Variants in PDE10A observed in about 807,000 individuals in gnomAD.
The protein encoded by PDE10A is phosphodiesterase 10A.
Under a neutral mutation model 97.7 loss-of-function variants are expected in PDE10A, and 39 were observed. That is an observed-to-expected ratio of 0.40 (90% CI 0.31 to 0.52). PDE10A has a LOEUF of 0.52. Ranked by LOEUF, PDE10A falls within the 20% of genes least tolerant of loss-of-function variation. PDE10A has a pLI of 0.56. For missense variants in PDE10A, 731 were observed against 1,047.8 expected, an observed-to-expected ratio of 0.70 and a Z score of 4.17; for synonymous variants, 371 against 376.8, an observed-to-expected ratio of 0.98 and a Z score of 0.18.
At chr6:165,956,321 TG>T (rs956912969) in intron 1 of PDE10A, among the ~76,000 whole-genome samples, 2 of 152,220 alleles carry the variant, frequency 1.3e-5, no homozygotes, top group Non-Finnish European at 2.9e-5. Context: ...TCAATGCCTG[TG>T]GCAATTTCTC....
intron 1 of PDE10A, chr6:165,940,758 T>A (rs1783492816): frequency 1.3e-5 from 2 of 152,242 alleles, no homozygotes; most frequent in Admixed American, 1.3e-4. Flanking sequence ...AGTTCCATTT[T>A]TAAAAGGTCT....
chr6:165,445,566 G>T (rs1790790426), intron 5 of PDE10A, among the ~76,000 whole-genome samples: 1 of 152,326 alleles, frequency 6.6e-6, no homozygotes, highest in South Asian at 2.1e-4. Context: ...ATCTTGGGTT[G>T]AAGGACAAAT....
intron 1 of PDE10A, chr6:165,948,325 G>A (rs1041494166): frequency 2.0e-5 from 3 of 152,206 alleles, no homozygotes; most frequent in Non-Finnish European, 4.4e-5. Context: ...TCTGTCAATG[G>A]AGAACAAGAG....
chr6:165,592,288 A>G lies in PDE10A; in HGVS notation c.866-48720T>C, dbSNP rs576072657. ...AACTGAGACTTTCCTTATACTTTATACAAAAATTAACTCAAGATGGATTAA... is the reference window on the plus strand; with the variant it reads ...AACTGAGACTTTCCTTATACTTTATGCAAAAATTAACTCAAGATGGATTAA... On this transcript the variant is annotated intron_variant, in intron 1 of 21. Coordinates refer to ENST00000539869, the MANE Select transcript of PDE10A (RefSeq NM_001385079.1). Among the ~76,000 whole-genome samples the G allele has an allele frequency of 7.2e-5, 11 of 152,364 alleles. No individual in the cohort carries two copies. The South Asian group carries it at 2.1e-3, about 29-fold the overall frequency.
chr6:165,943,518 T>C (rs1232956188), intron 1 of PDE10A, among the ~76,000 whole-genome samples: 1 of 151,924 alleles, frequency 6.6e-6, no homozygotes, highest in African/African-American at 2.4e-5. Context: ...GTCAAAGGCC[T>C]GAGAACCTGG....
chr6:165,550,751 T>C (rs1005993751), intron 1 of PDE10A, among the ~76,000 whole-genome samples: 4 of 152,182 alleles, frequency 2.6e-5, no homozygotes, highest in East Asian at 1.9e-4. Context: ...AGGCAGAATG[T>C]TTAGGAAACA....
At chr6:165,377,271 A>G (rs1210296758) in intron 18 of PDE10A, among the ~76,000 whole-genome samples, 2 of 152,146 alleles carry the variant, frequency 1.3e-5, no homozygotes, top group African/African-American at 4.8e-5. Context: ...ACACGCACAC[A>G]CACACCCCTA....
intron 1 of PDE10A, among the ~76,000 whole-genome samples, chr6:165,796,077 CT>C (rs1554323444): frequency 1.5e-5 from 2 of 134,904 alleles, no homozygotes; most frequent in African/African-American, 5.6e-5. Flanking sequence ...CACGTCTTTT[CT>C]TTTTTTTCTT....
chr6:165,482,493 A>G (rs1779663898), intron 2 of PDE10A, 150 bp from the exon 3 acceptor site: 1 of 682,882 alleles, frequency 1.5e-6, no homozygotes, highest in Non-Finnish European at 2.7e-6. Context: ...TTTAAACTGT[A>G]AAGGTTGAAC....
intron 20 of PDE10A, among the ~76,000 whole-genome samples, chr6:165,336,538 A>G (rs1781660113): frequency 6.6e-6 from 1 of 152,020 alleles, no homozygotes; most frequent in Admixed American, 6.5e-5. Flanking sequence ...TCACGAGGTC[A>G]GGAGATCGAG....
intron 1 of PDE10A, among the ~76,000 whole-genome samples, chr6:165,674,111 A>G (rs572577630): frequency 6.6e-6 from 1 of 152,298 alleles, no homozygotes; most frequent in African/African-American, 2.4e-5. Flanking sequence ...CTAGAGACTC[A>G]TTGCCCAGGT....
At chr6:165,870,192 A>G (rs1462728216) in intron 1 of PDE10A, among the ~76,000 whole-genome samples, 4 of 152,178 alleles carry the variant, frequency 2.6e-5, no homozygotes, top group African/African-American at 9.7e-5. Context: ...ATATTTGCAA[A>G]CTACTCTTCC....
At chr6:165,645,224 G>A (rs1156303017) in intron 1 of PDE10A, among the ~76,000 whole-genome samples, 1 of 152,160 alleles carries the variant, frequency 6.6e-6, no homozygotes, top group African/African-American at 2.4e-5. Flanking sequence ...GCACAGCGAG[G>A]GTGCGGCTGC....
intron 3 of PDE10A, among the ~76,000 whole-genome samples, chr6:165,464,671 C>G (rs947842433): frequency 6.6e-6 from 1 of 152,168 alleles, no homozygotes; most frequent in African/African-American, 2.4e-5. Flanking sequence ...CAATCCCTGT[C>G]CTCAAAACAG....
intron 6 of PDE10A, among the ~76,000 whole-genome samples, chr6:165,434,219 G>A (rs865880533): frequency 6.8e-6 from 1 of 147,818 alleles, no homozygotes; most frequent in Non-Finnish European, 1.5e-5. Context: ...TTTCAAATGA[G>A]AACTTATACA....
intron 1 of PDE10A, among the ~76,000 whole-genome samples, chr6:165,565,570 T>C (rs1784734893): frequency 6.6e-6 from 1 of 152,170 alleles, no homozygotes; most frequent in Admixed American, 6.5e-5. Flanking sequence ...TTGTGGTTAC[T>C]GGAAAACTGA....
At chr6:165,343,872 C>T (rs959302807) in intron 18 of PDE10A, among the ~76,000 whole-genome samples, 46 of 152,088 alleles carry the variant, frequency 3.0e-4, no homozygotes, top group African/African-American at 1.0e-3. Context: ...AGTGGGAAGA[C>T]GTCTTAAGAG....
At chr6:165,705,857 A>G (rs1398282169) in intron 1 of PDE10A, among the ~76,000 whole-genome samples, 1 of 152,200 alleles carries the variant, frequency 6.6e-6, no homozygotes, top group Non-Finnish European at 1.5e-5. Context: ...TCTCCTCCAA[A>G]AAGAGCTAAG....
intron 1 of PDE10A, among the ~76,000 whole-genome samples, chr6:165,786,605 T>C (rs1034627303): frequency 3.3e-5 from 5 of 152,212 alleles, no homozygotes; most frequent in Admixed American, 3.3e-4. Context: ...ACATGGGCTG[T>C]TTTGCATTAA....
Sources: gnomAD v4.1 joint callset for allele counts (sites outside exome capture counted in the v4.1 genomes callset) on GRCh38, gnomAD v4.1.1 for gene constraint, MANE v1.5 for transcripts, NCBI Gene and HGNC (gene_info 2026-07-23, HGNC 2026-07-21) for gene names.